The following RRAGB variants were observed in gnomAD, a reference collection of about 807,000 sequenced individuals.
RRAGB encodes the protein ras-related GTP-binding protein B.
A neutral mutation model predicts 29.3 loss-of-function variants in RRAGB; 6 were observed. That is an observed-to-expected ratio of 0.21 (90% CI 0.11 to 0.40). The LOEUF is 0.40. RRAGB is among the 10% of genes least tolerant of loss of function. The pLI, the probability that RRAGB is intolerant of heterozygous loss-of-function variation, is 1.00. For synonymous variants in RRAGB, 101 were observed against 92.5 expected (o/e 1.09, Z -0.53); for missense variants, 184 against 272.9 (o/e 0.67, Z 2.29).
chrX:55,731,547 A>G lies in RRAGB; in HGVS notation c.477A>G (p.Val159=). ...NSPDAKIFCL[V]HKMDLVQEDQ... ...CAGATGCCAAAATATTTTGCTTGGTACACAAAATGGATCTGGTACAGGAGG... is the reference window on the plus strand; with the variant it reads ...CAGATGCCAAAATATTTTGCTTGGTGCACAAAATGGATCTGGTACAGGAGG... Residue 159 remains valine (V), a synonymous_variant, in exon 5 of 10, where the codon GTA becomes GTG. Transcript: ENST00000374941. 8.3e-7 allele frequency: 1 copy of G among 1,206,376 alleles called. No individual in the cohort carries two copies.
intron 3 of RRAGB, among the ~76,000 whole-genome samples, chrX:55,725,283 A>G (rs983750026): frequency 1.8e-5 from 2 of 112,069 alleles, no homozygotes; most frequent in African/African-American, 6.5e-5. Flanking sequence ...TATTACTAAT[A>G]CTTTGTTAGT....
intron 5 of RRAGB, among the ~76,000 whole-genome samples, chrX:55,747,001 C>T (rs1164337707): frequency 8.9e-6 from 1 of 112,134 alleles, no homozygotes; most frequent in African/African-American, 3.2e-5. Context: ...TGGAGTATAG[C>T]ATAATTCCTC....
intron 3 of RRAGB, among the ~76,000 whole-genome samples, chrX:55,728,415 A>G (rs1330102192): frequency 9.0e-6 from 1 of 111,367 alleles, no homozygotes; most frequent in Non-Finnish European, 1.9e-5. Flanking sequence ...GGTGTAAAGT[A>G]TTTTGGGGGT....
At chrX:55,738,825 C>T (rs1477739107) in intron 5 of RRAGB, among the ~76,000 whole-genome samples, 2 of 111,627 alleles carry the variant, frequency 1.8e-5, no homozygotes, top group African/African-American at 3.3e-5. Flanking sequence ...CCCAAAAGTC[C>T]CTGTCTGTTG....
At position 55,753,439 on chromosome X, in the gene RRAGB, G is replaced by A. The variant is rs765132166; in HGVS notation, c.660G>A (p.Leu220=). 5.8e-6 allele frequency: 7 copies of A among 1,203,017 alleles called. No homozygotes were observed. The highest frequency in any genetic ancestry group is 7.9e-6 in the Non-Finnish European group (7 of 888,352). Residue 220 remains leucine, a synonymous_variant, in exon 7 of 10, where the codon CTG becomes CTA. Coordinates refer to ENST00000374941, the MANE Select transcript of RRAGB (RefSeq NM_006064.5). ...VYQLIPNVQQ[L]EMNLRNFAEI... ...AGCTGATTCCCAATGTTCAGCAGCTGGAAATGAACCTAAGGAATTTTGCTG... is the reference window on the plus strand; with the variant it reads ...AGCTGATTCCCAATGTTCAGCAGCTAGAAATGAACCTAAGGAATTTTGCTG...
chrX:55,721,861 G>T (rs887288669), intron 2 of RRAGB, among the ~76,000 whole-genome samples: 1 of 112,270 alleles, frequency 8.9e-6, no homozygotes, highest in Non-Finnish European at 1.9e-5. Context: ...ATAGAACAGG[G>T]TTTAGTTTCC....
intron 4 of RRAGB, among the ~76,000 whole-genome samples, chrX:55,730,924 A>G (rs755532046): frequency 3.6e-5 from 4 of 110,477 alleles, no homozygotes; most frequent in Non-Finnish European, 7.6e-5. Flanking sequence ...ATATGGATTG[A>G]ACTGAAATCT....
chrX:55,718,262 A>C lies in RRAGB; in HGVS notation c.-66A>C, dbSNP rs1345223578. 1 of 858,807 alleles carries C rather than the reference A, an allele frequency of 1.2e-6. No homozygotes were observed. Among genetic ancestry groups the C allele is most frequent in the Non-Finnish European group, 1.6e-6 (1 of 616,480 alleles). 70.8% of individuals were successfully genotyped at this position (858,807 alleles called of 1,213,427 possible). A position where few individuals can be genotyped will look rare whatever the true frequency, so the allele number is the denominator to read the frequency against. ...TGAGGGGTGAAAAAGAAAACAAACA[A>C]ACAACAACAACAAACCCTGAAGAGT... On this transcript the variant is annotated 5_prime_UTR_variant, in exon 1 of 10. Coordinates refer to ENST00000374941, the MANE Select transcript of RRAGB (RefSeq NM_006064.5).
chrX:55,742,175 TATA>T (rs2034102654), intron 5 of RRAGB, among the ~76,000 whole-genome samples: 2 of 112,819 alleles, frequency 1.8e-5, no homozygotes, highest in African/African-American at 6.4e-5. Flanking sequence ...ATTTACTTTA[TATA>T]CATATATACA....
At chrX:55,749,097 G>A (rs1198915586) in intron 5 of RRAGB, among the ~76,000 whole-genome samples, 9 of 100,692 alleles carry the variant, frequency 8.9e-5, no homozygotes, top group Non-Finnish European at 1.2e-4. Context: ...CGCCTCGTCC[G>A]GGAGGTGAGT....
chrX:55,733,602 C>T (rs1442553288), intron 5 of RRAGB, among the ~76,000 whole-genome samples: 1 of 112,026 alleles, frequency 8.9e-6, no homozygotes, highest in African/African-American at 3.2e-5. Flanking sequence ...TAGCAAATCA[C>T]ATTTATTGAC....
Position 55,745,577 on chromosome X carries a change from T to C in RRAGB, c.517-5524T>C, listed in dbSNP as rs147295015. The stretch of plus-strand genomic sequence containing the variant: ...CTTCTACACAGGCTGAATAGGAGAT[T>C]TGAAGGAGGATGTGGTGGTAATCAC... On this transcript the variant is annotated intron_variant, in intron 5 of 9. Transcript: ENST00000374941. Among the ~76,000 whole-genome samples, 680 of 112,397 alleles carry C rather than the reference T, an allele frequency of 6.0e-3. 1 individual carries two copies. Among genetic ancestry groups the C allele is most frequent in the Non-Finnish European group, 9.2e-3 (491 of 53,254 alleles).
At chrX:55,740,560 C>T (rs946800863) in intron 5 of RRAGB, among the ~76,000 whole-genome samples, 14 of 111,460 alleles carry the variant, frequency 1.3e-4, no homozygotes, top group Middle Eastern at 4.2e-3. Flanking sequence ...AAAAGGTTGT[C>T]GAGATGCTTG....
intron 5 of RRAGB, among the ~76,000 whole-genome samples, chrX:55,747,916 G>A (rs970410371): frequency 2.2e-4 from 23 of 106,711 alleles, no homozygotes; most frequent in African/African-American, 4.0e-4. Flanking sequence ...CCCTGATGCC[G>A]AGCCGAAGCT....
chrX:55,740,302 A>G (rs1006553205), intron 5 of RRAGB, among the ~76,000 whole-genome samples: 30 of 110,738 alleles, frequency 2.7e-4, no homozygotes, highest in African/African-American at 9.2e-4. Context: ...TGGCCTGGGC[A>G]AAAGAGCAAG....
intron 9 of RRAGB, among the ~76,000 whole-genome samples, chrX:55,757,826 T>C (rs1229392572): frequency 8.9e-6 from 1 of 111,763 alleles, no homozygotes; most frequent in African/African-American, 3.3e-5. Context: ...ATTTCTGTTA[T>C]GGGCATGAAG....
intron 2 of RRAGB, among the ~76,000 whole-genome samples, chrX:55,720,802 C>T (rs769915350): frequency 1.4e-4 from 15 of 110,733 alleles, no homozygotes; most frequent in Non-Finnish European, 1.7e-4. Context: ...CACTTGAACC[C>T]GGGAGGCGGA....
chrX:55,728,069 G>A (rs1375063897), intron 3 of RRAGB, among the ~76,000 whole-genome samples: 1 of 110,886 alleles, frequency 9.0e-6, no homozygotes, highest in African/African-American at 3.3e-5. Context: ...AGAATAGAGG[G>A]GAGGGAAGTG....
chrX:55,744,382 T>G (rs2034177209), intron 5 of RRAGB, among the ~76,000 whole-genome samples: 3 of 7,635 alleles, frequency 3.9e-4, no homozygotes, highest in Admixed American at 3.9e-3. Flanking sequence ...GGTGACAGAG[T>G]GAGCCAAAAA....
Sources: gnomAD v4.1 joint callset for allele counts (sites outside exome capture counted in the v4.1 genomes callset) on GRCh38, gnomAD v4.1.1 for gene constraint, MANE v1.5 for transcripts, NCBI Gene and HGNC (gene_info 2026-07-23, HGNC 2026-07-21) for gene names.